TRPM3: variants seen among roughly 807,000 people sequenced by gnomAD.
The protein encoded by TRPM3 is transient receptor potential cation channel subfamily M member 3, also known as long transient receptor potential channel 3.
In TRPM3, 77 loss-of-function variants were observed where a neutral mutation model predicts 181.2. The ratio of observed to expected loss-of-function variants is 0.42; its 90% CI spans 0.35 to 0.51. The LOEUF (loss-of-function observed/expected upper bound fraction) is 0.51, where lower values mean the gene tolerates loss of function less well. Among genes scored for constraint, TRPM3 ranks in the 20% least tolerant of loss-of-function variants. TRPM3 has a pLI of 0.01. For missense variants in TRPM3, 1,759 were observed against 2,196.7 expected, an observed-to-expected ratio of 0.80 and a Z score of 3.98; for synonymous variants, 745 against 796.4, an observed-to-expected ratio of 0.94 and a Z score of 1.09.
intron 1 of TRPM3, among the ~76,000 whole-genome samples, chr9:71,397,746 C>T (rs893206012): frequency 2.0e-5 from 3 of 152,078 alleles, no homozygotes; most frequent in Admixed American, 6.6e-5. Flanking sequence ...TTATGCAGAA[C>T]TCTTATGTTT....
chr9:71,147,752 G>A (rs2075502205), intron 1 of TRPM3, among the ~76,000 whole-genome samples: 1 of 152,138 alleles, frequency 6.6e-6, no homozygotes, highest in Admixed American at 6.6e-5. Context: ...GCTGATTCAA[G>A]TTCTCAGAAA....
Position 70,988,302 on chromosome 9 carries a change from T to C in TRPM3, c.178-123791A>G, listed in dbSNP as rs572256213. On this transcript the variant is annotated intron_variant, in intron 1 of 25. Transcript: ENST00000677713. ...TAAGCATATAGGCTTTGAATCCAGATACTCTTAAGTTTGAAATCTTGCCTG... is the reference window on the plus strand; with the variant it reads ...TAAGCATATAGGCTTTGAATCCAGACACTCTTAAGTTTGAAATCTTGCCTG... Among the ~76,000 whole-genome samples the C allele has an allele frequency of 5.3e-5, 8 of 152,330 alleles. No individual in the cohort carries two copies. In the South Asian group the frequency reaches 1.2e-3, roughly 24 times the overall value.
chr9:71,209,283 GATTTT>G (rs1297414819), intron 1 of TRPM3, among the ~76,000 whole-genome samples: 1 of 146,172 alleles, frequency 6.8e-6, no homozygotes, highest in Non-Finnish European at 1.5e-5. Context: ...TTCCAAAAAT[GATTTT>G]ATGAGTTAAA....
intron 1 of TRPM3, among the ~76,000 whole-genome samples, chr9:71,089,830 G>A (rs2065906351): frequency 6.6e-6 from 1 of 151,988 alleles, no homozygotes; most frequent in African/African-American, 2.4e-5. Flanking sequence ...AAGCTTATAG[G>A]CTGCCATCAG....
intron 9 of TRPM3, among the ~76,000 whole-genome samples, chr9:70,674,724 A>ATTTTTTTTTTTTTTTTT (rs67630432): frequency 1.0e-5 from 1 of 97,890 alleles, no homozygotes; most frequent in Non-Finnish European, 1.9e-5. Flanking sequence ...TATTCAGGCT[A>ATTTTTTTTTTTTTTTTT]TTTTTTTTTT....
chr9:71,204,174 A>G (rs1417500463), intron 1 of TRPM3, among the ~76,000 whole-genome samples: 1 of 151,350 alleles, frequency 6.6e-6, no homozygotes, highest in Non-Finnish European at 1.5e-5. Context: ...TGTCTAAAAC[A>G]CCAAAAGCAA....
At chr9:71,066,305 T>G (rs7869334) in intron 1 of TRPM3, among the ~76,000 whole-genome samples, 4,074 of 152,288 alleles carry the variant, frequency 0.027, 191 homozygotes, top group African/African-American at 0.093. Context: ...GGCTATGGCA[T>G]AGTTTGACAC....
chr9:70,873,036 T>C (rs1368229766), intron 1 of TRPM3, among the ~76,000 whole-genome samples: 1 of 151,946 alleles, frequency 6.6e-6, no homozygotes, highest in East Asian at 1.9e-4. Context: ...CTTGAAGATA[T>C]ATTTTTTTCC....
At chr9:70,900,403 T>TA (rs574199113) in intron 1 of TRPM3, among the ~76,000 whole-genome samples, 2 of 150,552 alleles carry the variant, frequency 1.3e-5, no homozygotes, top group African/African-American at 4.9e-5. Context: ...ATTAAGGAAG[T>TA]AAAAAAAATA....
intron 1 of TRPM3, among the ~76,000 whole-genome samples, chr9:71,341,745 T>C (rs1189699765): frequency 6.6e-6 from 1 of 151,948 alleles, no homozygotes; most frequent in Non-Finnish European, 1.5e-5. Flanking sequence ...TACATACCAA[T>C]GTTAATTTCT....
chr9:71,117,114 C>T (rs957509114), intron 1 of TRPM3, among the ~76,000 whole-genome samples: 5 of 152,142 alleles, frequency 3.3e-5, no homozygotes, highest in African/African-American at 1.2e-4. Context: ...TTAGCAAGGC[C>T]CTGTTTATTT....
chr9:70,630,143 G>C (rs1262263756), intron 12 of TRPM3, among the ~76,000 whole-genome samples: 1 of 152,210 alleles, frequency 6.6e-6, no homozygotes, highest in Non-Finnish European at 1.5e-5. Flanking sequence ...CCAGCAACAT[G>C]ACCCCATAGA....
At chr9:70,753,390 C>A (rs1022447025) in intron 8 of TRPM3, among the ~76,000 whole-genome samples, 1 of 152,022 alleles carries the variant, frequency 6.6e-6, no homozygotes, top group Non-Finnish European at 1.5e-5. Context: ...AGATTTAGAA[C>A]AATGATTGTA....
chr9:70,792,659 G>GGC (rs1241766766), intron 6 of TRPM3, among the ~76,000 whole-genome samples: 1 of 70,286 alleles, frequency 1.4e-5, no homozygotes, highest in African/African-American at 4.4e-5. Flanking sequence ...GAGACAGAAA[G>GGC]ACAGAGAGAG....
At chr9:70,642,587 A>T (rs996133970) in intron 9 of TRPM3, among the ~76,000 whole-genome samples, 7 of 152,250 alleles carry the variant, frequency 4.6e-5, no homozygotes, top group Non-Finnish European at 5.9e-5. Context: ...GTTGCTTGGG[A>T]TGGGATCCAG....
At chr9:70,901,850 G>A (rs141812892) in intron 1 of TRPM3, among the ~76,000 whole-genome samples, 5 of 152,298 alleles carry the variant, frequency 3.3e-5, no homozygotes, top group African/African-American at 4.8e-5. Context: ...CTAATGATAT[G>A]AGAGTGCATG....
chr9:71,329,557 T>C lies in TRPM3; in HGVS notation c.183+117096A>G, dbSNP rs376751908. 8.5e-5 allele frequency among the ~76,000 whole-genome samples: 13 copies of C among 152,276 alleles called. No individual in the cohort carries two copies. In the East Asian group the frequency reaches 1.7e-3, roughly 20 times the overall value. On this transcript the variant is annotated intron_variant, in intron 1 of 24. Coordinates refer to the TRPM3 transcript ENST00000357533. ...TTATAAATTGGAGATATGAATTATATTGCATAAGGGAGAGGGGGTTACAGG... is the reference window on the plus strand; with the variant it reads ...TTATAAATTGGAGATATGAATTATACTGCATAAGGGAGAGGGGGTTACAGG...
chr9:71,017,828 T>A (rs999124946), intron 1 of TRPM3, among the ~76,000 whole-genome samples: 3 of 151,818 alleles, frequency 2.0e-5, no homozygotes, highest in African/African-American at 7.2e-5. Flanking sequence ...AGCAACAGAT[T>A]TGACCTAACT....
At chr9:70,544,409 A>T (rs1768565482) in intron 25 of TRPM3, among the ~76,000 whole-genome samples, 1 of 152,198 alleles carries the variant, frequency 6.6e-6, no homozygotes, top group African/African-American at 2.4e-5. Flanking sequence ...ATTGATATAG[A>T]TGATCAATAT....
Sources: gnomAD v4.1 joint callset for allele counts (sites outside exome capture counted in the v4.1 genomes callset) on GRCh38, gnomAD v4.1.1 for gene constraint, MANE v1.5 for transcripts, NCBI Gene and HGNC (gene_info 2026-07-23, HGNC 2026-07-21) for gene names.